Variants in MYO1F observed in about 807,000 individuals in gnomAD.
The protein encoded by MYO1F is unconventional myosin-If.
In MYO1F, 60 loss-of-function variants were observed where a neutral mutation model predicts 146.6. The ratio of observed to expected loss-of-function variants is 0.41; its 90% confidence interval spans 0.33 to 0.51. The LOEUF is 0.51. MYO1F is among the 20% of genes least tolerant of loss of function. MYO1F has a pLI of 0.25. For missense variants in MYO1F, 1,274 were observed against 1,534.3 expected, an observed-to-expected ratio of 0.83 and a Z score of 2.83; for synonymous variants, 602 against 602.1, an observed-to-expected ratio of 1.00 and a Z score of 0.00.
In MYO1F at chr19:8,551,864, C is replaced by T; in HGVS notation, c.647G>A (p.Gly216Glu). ...NFHIYYQLLE[G>E]ASQEQRQNLG... ...GTTCTGCCTTTGCTCCTGGGAGGCC[C>T]CTTCCAGCAGCTGGAGGGTGTGCCA... Residue 216 changes from glycine (G) to glutamate (E), a missense_variant, in exon 8 of 28, where the codon GGG (glycine) becomes GAG (glutamate). Gly to Glu is a moderately conservative substitution (Grantham distance 98). This residue lies in a region of MYO1F where 900 missense variants were observed against 1,155.1 expected (regional missense o/e 0.78). Transcript: ENST00000644032. 6.2e-7 allele frequency: 1 copy of T among 1,614,066 alleles called. No homozygotes were observed. Among genetic ancestry groups the T allele is most frequent in the Non-Finnish European group, 8.5e-7 (1 of 1,180,002 alleles).
chr19:8,568,923 C>T (rs761103081), intron 1 of MYO1F, among the ~76,000 whole-genome samples: 1 of 151,924 alleles, frequency 6.6e-6, no homozygotes, highest in Non-Finnish European at 1.5e-5. Context: ...TCCATCTCAA[C>T]AACAACAAAT....
At position 8,540,160 on chromosome 19, in the gene MYO1F, G is replaced by A. The variant is rs921383822; in HGVS notation, c.1611-132C>T. On this transcript the variant is annotated intron_variant, in intron 15 of 27. Transcript: ENST00000644032. Reference sequence around the variant, plus strand: ...CTCAATGTGGAGGGGAGCTGTGATGGGTGAGATGCAGAGGGTTGGTTTTTT... The same window carrying A: ...CTCAATGTGGAGGGGAGCTGTGATGAGTGAGATGCAGAGGGTTGGTTTTTT... The A allele has an allele frequency of 6.0e-6, 4 of 668,888 alleles. No individual in the cohort carries two copies. In the African/African-American group the frequency reaches 7.3e-5, roughly 12 times the overall value. 41.4% of individuals were successfully genotyped at this position (668,888 alleles called of 1,614,324 possible).
chr19:8,532,757 A>T (rs1972532974), intron 19 of MYO1F, among the ~76,000 whole-genome samples: 1 of 151,932 alleles, frequency 6.6e-6, no homozygotes, highest in Non-Finnish European at 1.5e-5. Flanking sequence ...GGGTGATGGC[A>T]CGCATGTGTA....
chr19:8,552,061 T>A lies in MYO1F; in HGVS notation c.608A>T (p.Asn203Ile). The A allele has an allele frequency of 1.2e-6, 2 of 1,614,048 alleles. No individual in the cohort carries two copies. The highest frequency in any genetic ancestry group is 1.7e-6 in the Non-Finnish European group (2 of 1,180,012). The change falls in exon 7 of 28, where the codon AAT becomes ATT. Residue 203 changes from asparagine (N) to isoleucine (I), a missense_variant. By Grantham distance (149) the Asn-to-Ile change is moderately radical. Around this residue, in one of 2 missense-constraint regions of MYO1F, gnomAD observed 900 missense variants for 1,155.1 expected, o/e 0.78. Coordinates refer to ENST00000644032, the MANE Select transcript of MYO1F (RefSeq NM_012335.4). ...EKSRVVMQNE[N>I]ERNFHIYYQL... ...GTAGTAGATGTGGAAGTTCCTCTCA[T>A]TTTCATTTTGCATGACCACGCGGGA...
intron 2 of MYO1F, 73 bp downstream of exon 2, chr19:8,555,586 C>A: frequency 6.2e-7 from 1 of 1,602,520 alleles, no homozygotes; most frequent in Non-Finnish European, 8.5e-7. Flanking sequence ...TGCTCCTTCA[C>A]CCTCCTCTCC....
At chr19:8,562,739 G>A (rs578174420) in intron 1 of MYO1F, among the ~76,000 whole-genome samples, 12 of 151,260 alleles carry the variant, frequency 7.9e-5, no homozygotes, top group Non-Finnish European at 1.5e-4. Context: ...TCCCTATGTT[G>A]CCCAGGCTGG....
chr19:8,521,257 G>C lies in MYO1F; in HGVS notation c.*271C>G. 1.9e-6 allele frequency: 1 copy of C among 516,194 alleles called. No individual in the cohort carries two copies. The highest frequency in any genetic ancestry group is 3.5e-6 in the Non-Finnish European group (1 of 282,202). The allele number at this position is 516,194 out of a possible 1,614,324, so 32.0% of individuals were successfully genotyped here. On this transcript the variant is annotated 3_prime_UTR_variant, in exon 28 of 28. Coordinates refer to ENST00000644032, the MANE Select transcript of MYO1F (RefSeq NM_012335.4). The stretch of plus-strand genomic sequence containing the variant: ...CATTTCTTAATCACATGGCAGTTGG[G>C]AGGTAGATTCTGCTGTTAGTCCCCT...
chr19:8,568,686 C>T (rs896940353), intron 1 of MYO1F, among the ~76,000 whole-genome samples: 9 of 151,946 alleles, frequency 5.9e-5, no homozygotes, highest in Non-Finnish European at 7.4e-5. Context: ...CTTTTGGAGG[C>T]GAGGCAGGCA....
rs139973071 is a variant in MYO1F at position 8,545,534 on chromosome 19, T to C, written c.1356+116A>G. 4,011 of 862,928 alleles carry C rather than the reference T, an allele frequency of 4.6e-3. 40 individuals are homozygous for C. Among genetic ancestry groups the C allele is most frequent in the Middle Eastern group, 0.02 (64 of 3,172 alleles). 53.5% of individuals were successfully genotyped at this position (862,928 alleles called of 1,614,324 possible). On this transcript the variant is annotated intron_variant, in intron 13 of 27. Transcript: ENST00000644032. Reference sequence around the variant, plus strand: ...GTTATCTGTCGCTGGAAGTCCTGAGTGTAGGGTAGAGAAGGGCCTGAGGAT... The same window carrying C: ...GTTATCTGTCGCTGGAAGTCCTGAGCGTAGGGTAGAGAAGGGCCTGAGGAT...
chr19:8,541,639 G>A, intron 15 of MYO1F: 2 of 485,098 alleles, frequency 4.1e-6, no homozygotes, highest in Non-Finnish European at 7.6e-6. Flanking sequence ...ATGTTGCCCA[G>A]GCTGGTCTCA....
chr19:8,556,887 CAAAAAAAAAAAA>C (rs534645939), intron 1 of MYO1F, among the ~76,000 whole-genome samples: 2 of 69,158 alleles, frequency 2.9e-5, no homozygotes, highest in African/African-American at 6.6e-5. Flanking sequence ...AACTCTGTCT[CAAAAAAAAAAAA>C]AAAAAAAAAA....
At chr19:8,534,815 C>T (rs1298273035) in intron 19 of MYO1F, among the ~76,000 whole-genome samples, 1 of 149,530 alleles carries the variant, frequency 6.7e-6, no homozygotes, top group Non-Finnish European at 1.5e-5. Flanking sequence ...GTAGAAGAGA[C>T]GGGGTTTCAC....
chr19:8,551,903 G>C lies in MYO1F; in HGVS notation c.637-29C>G, dbSNP rs754413199. On this transcript the variant is annotated intron_variant, in intron 7 of 27. Coordinates refer to ENST00000644032, the MANE Select transcript of MYO1F (RefSeq NM_012335.4). ...GAGGGTGTGCCATGTTCATGCATCT[G>C]GTGCTTGCCTGGCTCAGCCCCTGTG... 15 of 1,613,874 alleles carry C rather than the reference G, an allele frequency of 9.3e-6. No individual in the cohort carries two copies. The Admixed American group carries it at 1.5e-4, about 16-fold the overall frequency.
chr19:8,541,585 C>T (rs187470067), intron 15 of MYO1F: 132 of 364,148 alleles, frequency 3.6e-4, no homozygotes, highest in African/African-American at 2.1e-3. Flanking sequence ...CGCGCCACCA[C>T]GCCTAGGTAA....
At chr19:8,563,865 G>T (rs1455733105) in intron 1 of MYO1F, among the ~76,000 whole-genome samples, 1 of 151,958 alleles carries the variant, frequency 6.6e-6, no homozygotes, top group Admixed American at 6.6e-5. Flanking sequence ...CTAGCCTCAG[G>T]TGATCCACCC....
intron 1 of MYO1F, among the ~76,000 whole-genome samples, chr19:8,561,417 CCCTT>C (rs1974110610): frequency 1.6e-5 from 1 of 63,896 alleles, no homozygotes; most frequent in African/African-American, 5.7e-5. Flanking sequence ...TCCTCTCCCT[CCCTT>C]CCTTTCTCCT....
At chr19:8,542,214 A>G (rs1282344306) in intron 14 of MYO1F, among the ~76,000 whole-genome samples, 3 of 148,922 alleles carry the variant, frequency 2.0e-5, no homozygotes, top group African/African-American at 7.4e-5. Flanking sequence ...AGGTTAGAGG[A>G]TCGTGGCTGT....
At chr19:8,570,643 G>A (rs1555731633) in intron 1 of MYO1F, among the ~76,000 whole-genome samples, 1 of 151,824 alleles carries the variant, frequency 6.6e-6, no homozygotes, top group Admixed American at 6.6e-5. Flanking sequence ...CTGGAATGAC[G>A]GGCACTGGGA....
At position 8,551,732 on chromosome 19, in the gene MYO1F, G is replaced by T. The variant is rs1441568293; in HGVS notation, c.771+8C>A. 6.2e-7 allele frequency: 1 copy of T among 1,614,122 alleles called. No individual in the cohort carries two copies. The highest frequency in any genetic ancestry group is 1.1e-5 in the South Asian group (1 of 91,082). On this transcript the variant is annotated splice_region_variant and intron_variant, in intron 8 of 27. Coordinates refer to ENST00000644032, the MANE Select transcript of MYO1F (RefSeq NM_012335.4). ...TGGCCGGGGACTGGAGTAGAGGCCG[G>T]TGCTCACCAGAGTCTCACCAAAGTC...
Sources: allele counts gnomAD v4.1 joint callset (sites outside exome capture counted in the v4.1 genomes callset), GRCh38; gene constraint gnomAD v4.1.1; regional missense constraint gnomAD v4.1.1; transcripts MANE v1.5; gene names NCBI Gene and HGNC (gene_info 2026-07-23, HGNC 2026-07-21).